The following RIF1 variants were observed in gnomAD, a reference collection of about 807,000 sequenced individuals.
RIF1 encodes the protein telomere-associated protein RIF1.
RIF1 carries 45 observed loss-of-function variants against 247.1 expected under a neutral mutation model. The observed-to-expected ratio is 0.18, with a 90% CI of 0.14 to 0.23. The LOEUF is 0.23. Ranked by LOEUF, RIF1 falls within the 10% of genes least tolerant of loss-of-function variation. RIF1 has a pLI of 1.00. For missense variants in RIF1, 2,967 were observed against 2,862.5 expected (o/e 1.04, Z -0.83); for synonymous variants, 1,087 against 978.8 (o/e 1.11, Z -2.06).
the RIF1 span, chr2:151,514,266 C>A: frequency 2.3e-6 from 3 of 1,302,592 alleles, no homozygotes; most frequent in Non-Finnish European, 3.3e-6. Context: ...ATTTGGCTAA[C>A]AAAGAAATGA....
chr2:151,514,850 G>A, the RIF1 span: 11 of 1,585,398 alleles, frequency 6.9e-6, no homozygotes, highest in African/African-American at 2.7e-5. Flanking sequence ...TATTTGACAT[G>A]TAACAAAGCT....
chr2:151,439,361 A>G (rs997562602), intron 14 of RIF1, among the ~76,000 whole-genome samples: 10 of 152,160 alleles, frequency 6.6e-5, no homozygotes, highest in Non-Finnish European at 1.3e-4. Context: ...CTAAAATTAC[A>G]TGCTTAGAAA....
At chr2:151,467,098 G>A (rs768886376) in intron 30 of RIF1, among the ~76,000 whole-genome samples, 4 of 151,974 alleles carry the variant, frequency 2.6e-5, no homozygotes, top group Admixed American at 1.3e-4. Context: ...GCCTGGTGGC[G>A]CACACCTGTA....
At chr2:151,502,832 CT>C in intron 11 of RIF1, 1 of 1,607,986 alleles carries the variant, frequency 6.2e-7, no homozygotes, top group Non-Finnish European at 8.5e-7. Context: ...CTCTCTCCAT[CT>C]CTGGAGTGAT....
downstream of RIF1, among the ~76,000 whole-genome samples, chr2:151,509,979 C>T (rs1031513398): frequency 3.3e-5 from 5 of 152,186 alleles, no homozygotes; most frequent in South Asian, 2.1e-4. Context: ...CTCAAAATTA[C>T]AAAGTTTTTC....
intron 30 of RIF1, among the ~76,000 whole-genome samples, chr2:151,466,875 A>G (rs940168332): frequency 1.3e-5 from 2 of 152,364 alleles, no homozygotes; most frequent in Middle Eastern, 6.8e-3. Flanking sequence ...ATATACAAGC[A>G]TGAATATATA....
intron 11 of RIF1, among the ~76,000 whole-genome samples, chr2:151,500,764 ATTTTTTCTATT>A (rs2153056361): frequency 6.6e-6 from 1 of 151,712 alleles, no homozygotes; most frequent in South Asian, 2.1e-4. Context: ...CGCTTGGCTA[ATTTTTTCTATT>A]TTTAGCAGAG....
chr2:151,503,477 A>C, intron 12 of RIF1: 1 of 1,421,054 alleles, frequency 7.0e-7, no homozygotes, highest in Non-Finnish European at 9.9e-7. Flanking sequence ...GAAAGGTAAA[A>C]TGACCGTAAA....
chr2:151,524,082 C>T, the RIF1 span, among the ~76,000 whole-genome samples: 1 of 152,126 alleles, frequency 6.6e-6, no homozygotes. Flanking sequence ...AGCACACAGA[C>T]ACCCAGACAA....
intron 14 of RIF1, among the ~76,000 whole-genome samples, chr2:151,439,768 G>A (rs764674050): frequency 2.6e-5 from 4 of 151,332 alleles, no homozygotes; most frequent in Non-Finnish European, 5.9e-5. Context: ...TGGATCACCT[G>A]AGGTCAGGAG....
In RIF1 at chr2:151,465,986, G is replaced by C; in HGVS notation, c.6466G>C (p.Val2156Leu). The C allele has an allele frequency of 6.2e-7, 1 of 1,614,094 alleles. No homozygotes were observed. The highest frequency in any genetic ancestry group is 8.5e-7 in the Non-Finnish European group (1 of 1,179,946). ...ACTAAGGGAACTTGATCCTTCACTT[G>C]TGTCAGCAAATGACAGTCCTAGTGG... ...QKLRELDPSL[V>L]SANDSPSGMQ... Residue 2156 changes from valine (V) to leucine (L), a missense_variant, in exon 30 of 36, where the codon GTG becomes CTG. Around this residue, in one of 7 missense-constraint regions of RIF1, gnomAD observed 2,028 missense variants for 1,825.6 expected, o/e 1.11. Transcript: ENST00000444746.
chr2:151,434,437 A>ATTTTTTTTTTTTTTTTTTTTTTTTTT (rs754795986), intron 10 of RIF1, among the ~76,000 whole-genome samples: 1 of 107,036 alleles, frequency 9.3e-6, no homozygotes, highest in Non-Finnish European at 1.8e-5. Flanking sequence ...TGGTTTTTGA[A>ATTTTTTTTTTTTTTTTTTTTTTTTTT]TTTTTTTTTT....
At chr2:151,456,346 T>TA (rs1220793416) in intron 22 of RIF1, among the ~76,000 whole-genome samples, 1 of 152,226 alleles carries the variant, frequency 6.6e-6, no homozygotes, top group African/African-American at 2.4e-5. Flanking sequence ...ATATGATTAT[T>TA]ACTTTGAGGT....
chr2:151,455,428 A>G (rs1305976029), intron 22 of RIF1, among the ~76,000 whole-genome samples: 5 of 152,204 alleles, frequency 3.3e-5, no homozygotes, highest in African/African-American at 1.2e-4. Flanking sequence ...AAGCATACCT[A>G]TTAAATGCAT....
chr2:151,416,481 A>T, intron 4 of RIF1, 80 bp from the exon 5 acceptor site: 1 of 1,252,692 alleles, frequency 8.0e-7, no homozygotes. Context: ...TGATGAGTAT[A>T]TTGTTTTCTC....
chr2:151,418,032 A>G (rs1396992936), intron 6 of RIF1, among the ~76,000 whole-genome samples: 1 of 152,170 alleles, frequency 6.6e-6, no homozygotes, highest in Admixed American at 6.5e-5. Context: ...TCTCACACTT[A>G]CCACGAATGG....
downstream of RIF1, among the ~76,000 whole-genome samples, chr2:151,511,394 A>G (rs568620891): frequency 2.4e-4 from 37 of 152,352 alleles, no homozygotes; most frequent in African/African-American, 7.5e-4. Context: ...ATATACAACT[A>G]TATGTTTCCA....
downstream of RIF1, chr2:151,486,024 C>T (rs2050025950): frequency 7.6e-7 from 1 of 1,322,764 alleles, no homozygotes; most frequent in Non-Finnish European, 1.1e-6. Context: ...ATGACTGACT[C>T]CACAAACTTA....
At chr2:151,422,237 G>A (rs1461065539) in intron 7 of RIF1, among the ~76,000 whole-genome samples, 1 of 151,936 alleles carries the variant, frequency 6.6e-6, no homozygotes, top group African/African-American at 2.4e-5. Context: ...TGATTATGAA[G>A]CTATTAATGT....
Sources: gnomAD v4.1 joint callset for allele counts (sites outside exome capture counted in the v4.1 genomes callset) on GRCh38, gnomAD v4.1.1 for gene constraint, gnomAD v4.1.1 regional missense constraint, MANE v1.5 for transcripts, NCBI Gene and HGNC (gene_info 2026-07-23, HGNC 2026-07-21) for gene names.